The following LRP1B variants were observed in gnomAD, a reference collection of about 807,000 sequenced individuals.
LRP1B encodes the protein low-density lipoprotein receptor-related protein 1B.
In LRP1B, 217 loss-of-function variants were observed where a neutral mutation model predicts 556.6. That is an observed-to-expected ratio of 0.39 (90% confidence interval 0.35 to 0.44). The LOEUF (loss-of-function observed/expected upper bound fraction) is 0.44, where lower values mean the gene tolerates loss of function less well. Among genes scored for constraint, LRP1B ranks in the 20% least tolerant of loss-of-function variants. LRP1B has a pLI of 1.00. For missense variants in LRP1B, 5,053 were observed against 5,620.8 expected (o/e 0.90, Z 3.23); for synonymous variants, 2,047 against 1,865.8 (o/e 1.10, Z -2.50).
intron 1 of LRP1B, among the ~76,000 whole-genome samples, chr2:141,875,265 C>T (rs1479945384): frequency 6.6e-6 from 1 of 151,778 alleles, no homozygotes. Context: ...CTTCCTTGGC[C>T]TCCCAGTGTT....
intron 1 of LRP1B, among the ~76,000 whole-genome samples, chr2:141,962,794 G>C (rs1192898073): frequency 6.6e-6 from 1 of 151,868 alleles, no homozygotes; most frequent in African/African-American, 2.4e-5. Flanking sequence ...ACTTGGGCAT[G>C]TGAATGACAT....
chr2:140,404,967 A>G (rs1684668278), intron 66 of LRP1B, among the ~76,000 whole-genome samples: 1 of 152,230 alleles, frequency 6.6e-6, no homozygotes, highest in Non-Finnish European at 1.5e-5. Flanking sequence ...GATAGATGAT[A>G]TGATAGGCTG....
intron 20 of LRP1B, among the ~76,000 whole-genome samples, chr2:140,924,678 A>G (rs1694836942): frequency 6.6e-6 from 1 of 152,124 alleles, no homozygotes; most frequent in Non-Finnish European, 1.5e-5. Flanking sequence ...TAAAGCATTG[A>G]GTTTTGGCTT....
chr2:141,834,093 G>A (rs963832435), intron 1 of LRP1B, among the ~76,000 whole-genome samples: 2 of 151,880 alleles, frequency 1.3e-5, no homozygotes, highest in African/African-American at 4.8e-5. Context: ...CTGGTAGGGA[G>A]TTCAAAACTG....
In LRP1B at chr2:140,626,006, T is replaced by G. The variant is rs1202362435; in HGVS notation, c.6800-24367A>C. Reference sequence around the variant, plus strand: ...CTCAATAGGTAAATGCATAAATAAATTGTGGTATATCCAGGCAATGGAATG... The same window carrying G: ...CTCAATAGGTAAATGCATAAATAAAGTGTGGTATATCCAGGCAATGGAATG... On this transcript the variant is annotated intron_variant, in intron 41 of 90. Transcript: ENST00000389484. Among the ~76,000 whole-genome samples, 5 of 152,290 alleles carry G rather than the reference T, an allele frequency of 3.3e-5. No homozygotes were observed. In the Middle Eastern group the frequency reaches 0.01, roughly 311 times the overall value.
At chr2:141,949,328 A>G (rs1701043530) in intron 1 of LRP1B, among the ~76,000 whole-genome samples, 2 of 152,200 alleles carry the variant, frequency 1.3e-5, no homozygotes. Flanking sequence ...GAAATTCACC[A>G]AAATGTATTG....
At chr2:141,955,721 A>C (rs1381910658) in intron 1 of LRP1B, among the ~76,000 whole-genome samples, 1 of 151,906 alleles carries the variant, frequency 6.6e-6, no homozygotes, top group African/African-American at 2.4e-5. Flanking sequence ...CTTATTGAGA[A>C]CCACAGCTAC....
chr2:140,658,684 CATTT>C lies in LRP1B; in HGVS notation c.6799+41562_6799+41565del, dbSNP rs111867527. Among the ~76,000 whole-genome samples the C allele has an allele frequency of 3.5e-3, 530 of 151,744 alleles. 3 individuals are homozygous for C. Among genetic ancestry groups the C allele is most frequent in the African/African-American group, 0.012 (485 of 41,402 alleles). ...AAATGTTTTTAACGCAATATGTCTA[CATTT>C]ATTTATTTATTTATTTATTTATTTT... On this transcript the variant is annotated intron_variant, in intron 41 of 90. Coordinates refer to ENST00000389484, the MANE Select transcript of LRP1B (RefSeq NM_018557.3).
intron 52 of LRP1B, 65 bp downstream of exon 52, chr2:140,509,863 A>G (rs1324519712): frequency 6.4e-7 from 1 of 1,569,078 alleles, no homozygotes; most frequent in African/African-American, 1.4e-5. Flanking sequence ...AAATACTACA[A>G]AAACAAATAA....
At chr2:141,161,025 G>C (rs1316129461) in intron 7 of LRP1B, among the ~76,000 whole-genome samples, 1 of 151,868 alleles carries the variant, frequency 6.6e-6, no homozygotes, top group African/African-American at 2.4e-5. Context: ...TGGTACAAGA[G>C]GAACTTTCTA....
chr2:142,026,761 G>A (rs1703520551), intron 1 of LRP1B, among the ~76,000 whole-genome samples: 1 of 151,954 alleles, frequency 6.6e-6, no homozygotes, highest in Non-Finnish European at 1.5e-5. Context: ...TATTATAGGG[G>A]AGATTAAAAC....
chr2:140,676,859 G>A (rs1385746209), intron 41 of LRP1B, among the ~76,000 whole-genome samples: 2 of 152,116 alleles, frequency 1.3e-5, no homozygotes, highest in African/African-American at 2.4e-5. Flanking sequence ...TATTTATTGT[G>A]TACCTATTAT....
At chr2:140,410,661 A>C (rs1684936010) in intron 66 of LRP1B, among the ~76,000 whole-genome samples, 2 of 152,288 alleles carry the variant, frequency 1.3e-5, no homozygotes, top group South Asian at 4.1e-4. Context: ...AAAGTATCTC[A>C]ATGGATAATA....
intron 1 of LRP1B, among the ~76,000 whole-genome samples, chr2:142,088,898 C>T (rs1470655793): frequency 6.8e-6 from 1 of 146,120 alleles, no homozygotes; most frequent in Admixed American, 7.1e-5. Context: ...TGGCATGAAC[C>T]TGGCAGGCGG....
chr2:140,246,223 C>T lies in LRP1B; in HGVS notation c.13324+863G>A, dbSNP rs184302917. Among the ~76,000 whole-genome samples the T allele has an allele frequency of 6.6e-5, 10 of 151,238 alleles. No homozygotes were observed. The East Asian group carries it at 1.4e-3, about 21-fold the overall frequency. ...GCTTTTTGCTTGTTTTTATGAAATC[C>T]TTGTCACCAGCAGTAAAGGACTAGG... On this transcript the variant is annotated intron_variant, in intron 87 of 90. Coordinates refer to ENST00000389484, the MANE Select transcript of LRP1B (RefSeq NM_018557.3).
At chr2:141,591,337 T>G (rs1687325451) in intron 2 of LRP1B, among the ~76,000 whole-genome samples, 2 of 89,160 alleles carry the variant, frequency 2.2e-5, no homozygotes, top group South Asian at 1.2e-3. Context: ...GTTTTAGTAC[T>G]GGTTTTTTTT....
rs1296353465 is a variant in LRP1B at position 140,776,344 on chromosome 2, C to T, written c.5360-106G>A. On this transcript the variant is annotated intron_variant, in intron 32 of 90. Coordinates refer to ENST00000389484, the MANE Select transcript of LRP1B (RefSeq NM_018557.3). ...CTCTCTGATTTCTTTTGTTATATTT[C>T]CAAACTCTGTTTCTAAGGGAAACAG... The T allele has an allele frequency of 5.6e-6, 4 of 718,098 alleles. No individual in the cohort carries two copies. In the East Asian group the frequency reaches 1.4e-4, roughly 26 times the overall value. 44.5% of individuals were successfully genotyped at this position (718,098 alleles called of 1,614,324 possible).
At chr2:140,234,992 C>T in intron 89 of LRP1B, 108 bp from the exon 90 acceptor site, 1 of 562,828 alleles carries the variant, frequency 1.8e-6, no homozygotes, top group African/African-American at 1.9e-5. Context: ...ACCCTTTAGC[C>T]TTACACCATT....
chr2:142,115,204 G>A (rs1430916204), intron 1 of LRP1B, among the ~76,000 whole-genome samples: 2 of 151,154 alleles, frequency 1.3e-5, no homozygotes. Flanking sequence ...AACATCCTAT[G>A]AAATGCTTTA....
Sources: gnomAD v4.1 joint callset for allele counts (sites outside exome capture counted in the v4.1 genomes callset) on GRCh38, gnomAD v4.1.1 for gene constraint, MANE v1.5 for transcripts, NCBI Gene and HGNC (gene_info 2026-07-23, HGNC 2026-07-21) for gene names.